Variants in FBXO9 observed in about 807,000 individuals in gnomAD.
FBXO9 encodes the protein F-box protein 9, also known as F-box only protein 9.
A neutral mutation model predicts 63.7 loss-of-function variants in FBXO9; 43 were observed. That is an observed-to-expected ratio of 0.67 (90% CI 0.53 to 0.87). The LOEUF (loss-of-function observed/expected upper bound fraction) is 0.87, where lower values mean the gene tolerates loss of function less well. Ranked by LOEUF, FBXO9 falls within the 40% of genes least tolerant of loss-of-function variation. The probability of loss-of-function intolerance (pLI) is 0.00; values close to 1 mark genes in which losing one functional copy is unlikely to be tolerated. For missense variants in FBXO9, 442 were observed against 533.2 expected (o/e 0.83, Z 1.68); for synonymous variants, 156 against 171.7 (o/e 0.91, Z 0.72).
rs1763297554 is a variant in FBXO9 at position 53,099,476 on chromosome 6, C to G, written c.*1646C>G. Reference sequence around the variant, plus strand: ...AGAGAGTTGGCCAGGTGTGGTGACTCACACCTATAATCCCAATACTTTGGG... The same window carrying G: ...AGAGAGTTGGCCAGGTGTGGTGACTGACACCTATAATCCCAATACTTTGGG... On this transcript the variant is annotated 3_prime_UTR_variant, in exon 13 of 13. Transcript: ENST00000323557. 6.6e-6 allele frequency: 1 copy of G among 152,006 alleles called. No homozygotes were observed. The allele number at this position is 152,006 out of a possible 1,614,324, so 9.4% of individuals were successfully genotyped here.
At chr6:53,091,379 T>A (rs1763035044) in intron 7 of FBXO9, 2 of 152,180 alleles carry the variant, frequency 1.3e-5, no homozygotes, top group South Asian at 4.1e-4. Context: ...GCACACTTTT[T>A]TTTTTTTGAG....
intron 1 of FBXO9, among the ~76,000 whole-genome samples, chr6:53,069,774 G>T (rs1015769393): frequency 3.3e-5 from 5 of 152,066 alleles, no homozygotes; most frequent in African/African-American, 9.7e-5. Context: ...TTCACAAACT[G>T]TGAAATATAT....
chr6:53,089,827 G>A (rs757184768), intron 7 of FBXO9, among the ~76,000 whole-genome samples: 1 of 152,218 alleles, frequency 6.6e-6, no homozygotes, highest in Non-Finnish European at 1.5e-5. Context: ...AAGGCAAGCC[G>A]TGGAAGTAGA....
chr6:53,065,640 C>T lies in FBXO9; in HGVS notation c.-150C>T. 1.1e-6 allele frequency: 1 copy of T among 939,736 alleles called. No homozygotes were observed. The allele number at this position is 939,736 out of a possible 1,614,324, so 58.2% of individuals were successfully genotyped here. On this transcript the variant is annotated 5_prime_UTR_variant, in exon 1 of 13. Transcript: ENST00000323557. Reference sequence around the variant, plus strand: ...GCCGGGCCCGCAGTTATTGCCGCTGCCTGGTGCGCTTCTCCGACCGAGAAC... The same window carrying T: ...GCCGGGCCCGCAGTTATTGCCGCTGTCTGGTGCGCTTCTCCGACCGAGAAC...
chr6:53,092,231 T>C (rs1344453109), intron 7 of FBXO9, 198 bp from the exon 8 acceptor site: 9 of 520,010 alleles, frequency 1.7e-5, no homozygotes, highest in Non-Finnish European at 3.1e-5. Flanking sequence ...CTAAGCGTAC[T>C]ACCAGAAGCT....
intron 6 of FBXO9, 33 bp downstream of exon 6, chr6:53,081,131 A>G (rs747970021): frequency 3.1e-6 from 5 of 1,589,190 alleles, no homozygotes; most frequent in African/African-American, 1.3e-5. Flanking sequence ...ACTCAGTGAG[A>G]AATATCTTAA....
rs1246167137 is a variant in FBXO9, at chr6:53,065,507, C to T, written c.-283C>T. The T allele has an allele frequency of 2.1e-5, 8 of 376,840 alleles. No individual in the cohort carries two copies. The highest frequency in any genetic ancestry group is 3.3e-5 in the Non-Finnish European group (7 of 211,458). The allele number at this position is 376,840 out of a possible 1,614,324, so 23.3% of individuals were successfully genotyped here. Reference sequence around the variant, plus strand: ...ACGCTCCGGTGCTCGCACAATCCCCCGCCTCGGCTGGCAACGGGCGTCCCT... The same window carrying T: ...ACGCTCCGGTGCTCGCACAATCCCCTGCCTCGGCTGGCAACGGGCGTCCCT... On this transcript the variant is annotated 5_prime_UTR_variant, in exon 1 of 13. Coordinates refer to ENST00000323557, the MANE Select transcript of FBXO9 (RefSeq NM_033480.3).
At position 53,078,864 on chromosome 6, in the gene FBXO9, C is replaced by T. The variant is rs771776901; in HGVS notation, c.373C>T (p.Arg125Trp). Reference sequence around the variant, plus strand: ...TATAGAGTTCAAGATTACTTATACCCGGTCTCCAGATGGTGATGGCGTTGG... The same window carrying T: ...TATAGAGTTCAAGATTACTTATACCTGGTCTCCAGATGGTGATGGCGTTGG... ...PDIEFKITYT[R>W]SPDGDGVGNS... The change falls in exon 5 of 13, where the codon CGG (arginine) becomes TGG (tryptophan). Residue 125 changes from arginine (R) to tryptophan (W), a missense_variant. Arg to Trp is a moderately radical substitution (Grantham distance 101, BLOSUM62 -3). Transcript: ENST00000323557. 34 of 1,613,652 alleles carry T rather than the reference C, an allele frequency of 2.1e-5. No homozygotes were observed. Among genetic ancestry groups the T allele is most frequent in the South Asian group, 7.7e-5 (7 of 91,086 alleles).
At chr6:53,095,762 AC>A in intron 12 of FBXO9, 98 bp downstream of exon 12, 1 of 1,181,686 alleles carries the variant, frequency 8.5e-7, no homozygotes, top group African/African-American at 1.5e-5. Context: ...CTCAGAGTTA[AC>A]ACTACATTAC....
intron 11 of FBXO9, chr6:53,094,938 A>G (rs1422084015): frequency 1.5e-5 from 3 of 201,862 alleles, no homozygotes; most frequent in African/African-American, 7.1e-5. Context: ...TTCTCTTCAG[A>G]ATATGATGAA....
chr6:53,087,127 G>A (rs985458943), intron 7 of FBXO9, among the ~76,000 whole-genome samples: 1 of 151,780 alleles, frequency 6.6e-6, no homozygotes, highest in Non-Finnish European at 1.5e-5. Flanking sequence ...TGATGGGTTG[G>A]ACCCAGGAGT....
chr6:53,081,098 G>C lies in FBXO9; in HGVS notation c.538G>C (p.Val180Leu), dbSNP rs779424775. The C allele has an allele frequency of 6.2e-7, 1 of 1,604,458 alleles. No individual in the cohort carries two copies. The highest frequency in any genetic ancestry group is 1.1e-5 in the South Asian group (1 of 89,420). ...ELESSQIHIS[V>L]LPMEVLMYIF... Reference sequence around the variant, plus strand: ...TGAGAGCAGTCAGATTCACATATCAGGTGTGAATACTTGTTTTTCATAACT... The same window carrying C: ...TGAGAGCAGTCAGATTCACATATCACGTGTGAATACTTGTTTTTCATAACT... The change falls in exon 6 of 13, where the codon GTG becomes CTG. Residue 180 changes from valine (V) to leucine (L), a missense_variant and splice_region_variant. Physicochemically the swap from Val to Leu is conservative, Grantham distance 32 (BLOSUM62 1). Coordinates refer to ENST00000323557, the MANE Select transcript of FBXO9 (RefSeq NM_033480.3).
chr6:53,081,738 G>A (rs764140427), intron 6 of FBXO9, among the ~76,000 whole-genome samples: 2 of 152,174 alleles, frequency 1.3e-5, no homozygotes, highest in South Asian at 4.1e-4. Flanking sequence ...CAGCCATGTT[G>A]GACAATTGTC....
chr6:53,067,638 C>A (rs1768753654), intron 1 of FBXO9, among the ~76,000 whole-genome samples: 1 of 152,050 alleles, frequency 6.6e-6, no homozygotes, highest in South Asian at 2.1e-4. Flanking sequence ...AAGGATACCC[C>A]ACAGAACTCA....
At chr6:53,068,248 G>A (rs1039901550) in intron 1 of FBXO9, among the ~76,000 whole-genome samples, 9 of 152,158 alleles carry the variant, frequency 5.9e-5, no homozygotes, top group Non-Finnish European at 1.3e-4. Context: ...TAAGTGTTGA[G>A]CAAGTTTCAT....
intron 1 of FBXO9, among the ~76,000 whole-genome samples, chr6:53,069,070 G>C (rs980912476): frequency 6.6e-6 from 1 of 152,178 alleles, no homozygotes. Context: ...TTGGAGCTCA[G>C]GAGTTTGAGG....
chr6:53,097,739 C>T lies in FBXO9; in HGVS notation c.1223C>T (p.Ala408Val), dbSNP rs369781804. The T allele has an allele frequency of 1.2e-6, 2 of 1,600,062 alleles. No homozygotes were observed. The highest frequency in any genetic ancestry group is 1.7e-6 in the Non-Finnish European group (2 of 1,171,744). The change falls in exon 13 of 13, where the codon GCA becomes GTA. Residue 408 changes from alanine (A) to valine (V), a missense_variant. Ala to Val is a moderately conservative substitution (Grantham distance 64). Around this residue, in one of 2 missense-constraint regions of FBXO9, gnomAD observed 262 missense variants for 362.1 expected, o/e 0.72. Transcript: ENST00000323557. The stretch of plus-strand genomic sequence containing the variant: ...TTTTACAGATCAACTGGTGAGACTG[C>T]AGTCAGTGCTTTTGAGATTGACAAG... The part of the protein sequence containing the change: ...HITYKSTGET[A>V]VSAFEIDKMY...
chr6:53,087,207 G>A (rs1762914970), intron 7 of FBXO9, among the ~76,000 whole-genome samples: 1 of 151,754 alleles, frequency 6.6e-6, no homozygotes, highest in Non-Finnish European at 1.5e-5. Context: ...GTTGGACGTA[G>A]TGTGTGTACC....
rs2127501387 is a variant in FBXO9, at chr6:53,097,910, G to GTC, written c.*81_*82insCT. The GTC allele has an allele frequency of 1.3e-5, 2 of 148,422 alleles. No homozygotes were observed. Among genetic ancestry groups the GTC allele is most frequent in the African/African-American group, 1.2e-4 (2 of 17,162 alleles). The allele number at this position is 148,422 out of a possible 1,614,324, so 9.2% of individuals were successfully genotyped here. On this transcript the variant is annotated 3_prime_UTR_variant, in exon 13 of 13. Coordinates refer to ENST00000323557, the MANE Select transcript of FBXO9 (RefSeq NM_033480.3). ...AAGAGCACCTAAGTTATAAATGTGT[G>GTC]TGTGTGCGTGTGTGTGTATATATAT...
Sources: gnomAD v4.1 joint callset for allele counts (sites outside exome capture counted in the v4.1 genomes callset) on GRCh38, gnomAD v4.1.1 for gene constraint, gnomAD v4.1.1 regional missense constraint, MANE v1.5 for transcripts, NCBI Gene and HGNC (gene_info 2026-07-23, HGNC 2026-07-21) for gene names.